BPNT2: variants seen among roughly 807,000 people sequenced by gnomAD.
BPNT2 encodes 3'(2'), 5'-bisphosphate nucleotidase 2.
Under a neutral mutation model 29.3 loss-of-function variants are expected in BPNT2, and 11 were observed. The observed-to-expected ratio is 0.38, with a 90% CI of 0.24 to 0.62. The LOEUF is 0.62. BPNT2 is among the 20% of genes least tolerant of loss of function. BPNT2 has a pLI of 0.62. For synonymous variants in BPNT2, 195 were observed against 187.7 expected (o/e 1.04, Z -0.32); for missense variants, 459 against 473.4 (o/e 0.97, Z 0.28).
intron 3 of BPNT2, among the ~76,000 whole-genome samples, chr8:56,974,224 T>C (rs576353104): frequency 1.3e-5 from 2 of 152,320 alleles, no homozygotes; most frequent in South Asian, 4.1e-4. Flanking sequence ...AATGAGGCTA[T>C]TCGCAGTTCA....
At chr8:56,969,140 G>A (rs1398445928) in intron 3 of BPNT2, among the ~76,000 whole-genome samples, 1 of 152,170 alleles carries the variant, frequency 6.6e-6, no homozygotes, top group African/African-American at 2.4e-5. Flanking sequence ...CTGACTCCTT[G>A]ATACCAGACT....
chr8:56,977,922 GT>G, intron 3 of BPNT2, 127 bp downstream of exon 3: 1 of 715,666 alleles, frequency 1.4e-6, no homozygotes. Context: ...CATAATTTGT[GT>G]TTTTTTCTTA....
intron 1 of BPNT2, among the ~76,000 whole-genome samples, chr8:56,992,627 CAAACTAT>C (rs1326416226): frequency 2.0e-5 from 3 of 152,082 alleles, no homozygotes; most frequent in Non-Finnish European, 4.4e-5. Flanking sequence ...AAAGGGCCCG[CAAACTAT>C]AAACTTTAGA....
Position 56,980,060 on chromosome 8 carries a change from TG to T in BPNT2, c.524del (p.Pro175HisfsTer24). ...CTGTATATTCCTGTGTAGCATCAAG[TG>T]GGTCAATCCAGACAGTAACACTTTC... ...PAESVTVWIDPLDATQEYTED... is the reference protein window; with the variant it reads ...PAESVTVWIDXLDATQEYTED... On this transcript the variant is annotated frameshift_variant, in exon 2 of 5. Coordinates refer to ENST00000262644, the MANE Select transcript of BPNT2 (RefSeq NM_017813.5). LOFTEE classifies it high-confidence loss of function. The T allele has an allele frequency of 6.2e-7, 1 of 1,613,926 alleles. No individual in the cohort carries two copies. Among genetic ancestry groups the T allele is most frequent in the South Asian group, 1.1e-5 (1 of 91,070 alleles).
chr8:56,988,596 T>G (rs1455559719), intron 1 of BPNT2, among the ~76,000 whole-genome samples: 2 of 152,206 alleles, frequency 1.3e-5, no homozygotes, highest in African/African-American at 2.4e-5. Flanking sequence ...GGCCCTGATA[T>G]TCCCCTTTCA....
chr8:56,973,266 C>A (rs539707262), intron 3 of BPNT2, among the ~76,000 whole-genome samples: 1 of 152,050 alleles, frequency 6.6e-6, no homozygotes, highest in Non-Finnish European at 1.5e-5. Context: ...CCCCCAAACA[C>A]TACGTCTCTA....
intron 1 of BPNT2, 98 bp from the exon 2 acceptor site, chr8:56,980,295 A>C: frequency 1.1e-6 from 1 of 913,284 alleles, no homozygotes; most frequent in South Asian, 1.4e-5. Flanking sequence ...CCAAATTATA[A>C]ATAAGTAAAT....
At position 56,958,140 on chromosome 8, in the gene BPNT2, AAAAC is replaced by A. The variant is rs979504258; in HGVS notation, c.*5649_*5652del. The stretch of plus-strand genomic sequence containing the variant: ...AATCATAAATATTTGCAAAGGTAAC[AAAAC>A]AAACAACCAGCTTATACAACCAAGG... On this transcript the variant is annotated 3_prime_UTR_variant, in exon 5 of 5. Transcript: ENST00000262644. The A allele has an allele frequency of 7.9e-5, 12 of 152,212 alleles. No individual in the cohort carries two copies. Among genetic ancestry groups the A allele is most frequent in the Non-Finnish European group, 1.0e-4 (7 of 68,046 alleles). 9.4% of individuals were successfully genotyped at this position (152,212 alleles called of 1,614,324 possible).
At chr8:56,977,956 T>G in intron 3 of BPNT2, 94 bp downstream of exon 3, 1 of 837,146 alleles carries the variant, frequency 1.2e-6, no homozygotes, top group Non-Finnish European at 2.1e-6. Flanking sequence ...GAAACTAATA[T>G]AGGAGTGGAT....
chr8:56,963,693 G>T lies in BPNT2; in HGVS notation c.*100C>A. 1.5e-6 allele frequency: 2 copies of T among 1,343,416 alleles called. No homozygotes were observed. Among genetic ancestry groups the T allele is most frequent in the Non-Finnish European group, 2.1e-6 (2 of 943,706 alleles). 83.2% of individuals were successfully genotyped at this position (1,343,416 alleles called of 1,614,324 possible). The stretch of plus-strand genomic sequence containing the variant: ...ATAAATACTTTAAAAAGTTCGGGAT[G>T]GCCTTAACCATGCATAGTCTCCACC... On this transcript the variant is annotated 3_prime_UTR_variant, in exon 5 of 5. Coordinates refer to ENST00000262644, the MANE Select transcript of BPNT2 (RefSeq NM_017813.5).
At chr8:56,976,882 T>A (rs1341932599) in intron 3 of BPNT2, among the ~76,000 whole-genome samples, 1 of 152,046 alleles carries the variant, frequency 6.6e-6, no homozygotes, top group East Asian at 1.9e-4. Context: ...AGGTTGAGAA[T>A]CCCTAATCCA....
rs904501474 is a variant in BPNT2, at chr8:56,958,100, A to T, written c.*5693T>A. 2.8e-4 allele frequency: 42 copies of T among 151,986 alleles called. No homozygotes were observed. The highest frequency in any genetic ancestry group is 9.9e-4 in the African/African-American group (41 of 41,416). The allele number at this position is 151,986 out of a possible 1,614,324, so 9.4% of individuals were successfully genotyped here. On this transcript the variant is annotated 3_prime_UTR_variant, in exon 5 of 5. Coordinates refer to ENST00000262644, the MANE Select transcript of BPNT2 (RefSeq NM_017813.5). ...GCAAAACTTTTAAAAACAATTTAGT[A>T]TGTGGGGGGGTGATAATCATAAATA...
At position 56,961,238 on chromosome 8, in the gene BPNT2, T is replaced by C. The variant is rs1299656901; in HGVS notation, c.*2555A>G. On this transcript the variant is annotated 3_prime_UTR_variant, in exon 5 of 5. Transcript: ENST00000262644. ...GTGGGTCATTAAAAGCAAAAGGTAA[T>C]GACTTTGCTACTTTTTAGAAATAAT... 1 of 152,198 alleles carries C rather than the reference T, an allele frequency of 6.6e-6. No individual in the cohort carries two copies. The highest frequency in any genetic ancestry group is 1.5e-5 in the Non-Finnish European group (1 of 68,032). The allele number at this position is 152,198 out of a possible 1,614,324, so 9.4% of individuals were successfully genotyped here.
Position 56,963,491 on chromosome 8 carries a change from G to T in BPNT2, c.*302C>A. On this transcript the variant is annotated 3_prime_UTR_variant, in exon 5 of 5. Transcript: ENST00000262644. ...ATTCATGATGTTGTGTGAAAATGGT[G>T]ACTCATAACAATGTAGACTCAGCTA... 3.3e-6 allele frequency: 1 copy of T among 303,958 alleles called. No individual in the cohort carries two copies. Among genetic ancestry groups the T allele is most frequent in the East Asian group, 6.4e-5 (1 of 15,586 alleles). 18.8% of individuals were successfully genotyped at this position (303,958 alleles called of 1,614,324 possible). A position where few individuals can be genotyped will look rare whatever the true frequency, so the allele number is the denominator to read the frequency against.
intron 3 of BPNT2, among the ~76,000 whole-genome samples, chr8:56,971,269 TAA>T (rs10551418): frequency 0.23 from 27,799 of 122,374 alleles, 2,969 homozygotes; most frequent in East Asian, 0.47. Flanking sequence ...AAGATAAGCT[TAA>T]AAAAAAAAAA....
intron 3 of BPNT2, among the ~76,000 whole-genome samples, chr8:56,976,885 C>G (rs1806149391): frequency 6.6e-6 from 1 of 152,070 alleles, no homozygotes; most frequent in Non-Finnish European, 1.5e-5. Context: ...TTGAGAATCC[C>G]TAATCCAAAA....
intron 3 of BPNT2, among the ~76,000 whole-genome samples, chr8:56,968,268 T>G (rs1805980478): frequency 6.6e-6 from 1 of 151,418 alleles, no homozygotes; most frequent in Non-Finnish European, 1.5e-5. Flanking sequence ...GGCTTAGCAC[T>G]AAATCACAGG....
Position 56,971,984 on chromosome 8 carries a change from A to G in BPNT2, c.647-5632T>C, listed in dbSNP as rs576952627. On this transcript the variant is annotated intron_variant, in intron 3 of 4. Coordinates refer to ENST00000262644, the MANE Select transcript of BPNT2 (RefSeq NM_017813.5). ...GTGTCAGGCATCTGCAGTTCCAGCT[A>G]CTCGGGAGGCTGAGGCAGGAGAATG... Among the ~76,000 whole-genome samples the G allele has an allele frequency of 2.0e-5, 3 of 151,714 alleles. No homozygotes were observed. The East Asian group carries it at 5.8e-4, about 29-fold the overall frequency.
intron 3 of BPNT2, among the ~76,000 whole-genome samples, chr8:56,970,234 T>A (rs923758264): frequency 4.6e-5 from 7 of 152,202 alleles, no homozygotes; most frequent in Non-Finnish European, 1.5e-5. Flanking sequence ...CTGAGCATCA[T>A]GAATGGCGAG....
Sources: gnomAD v4.1 joint callset for allele counts (sites outside exome capture counted in the v4.1 genomes callset) on GRCh38, gnomAD v4.1.1 for gene constraint, MANE v1.5 for transcripts, NCBI Gene and HGNC (gene_info 2026-07-23, HGNC 2026-07-21) for gene names.